The following BCL7B variants were observed in gnomAD, a reference collection of about 807,000 sequenced individuals.
BCL7B encodes the protein BAF chromatin remodeling complex subunit BCL7B, also known as B-cell CLL/lymphoma 7 protein family member B.
A neutral mutation model predicts 26.5 loss-of-function variants in BCL7B; 11 were observed. The ratio of observed to expected loss-of-function variants is 0.42; its 90% CI spans 0.26 to 0.69. The LOEUF (loss-of-function observed/expected upper bound fraction) is 0.69, where lower values mean the gene tolerates loss of function less well. Ranked by LOEUF, BCL7B falls within the 30% of genes least tolerant of loss-of-function variation. The probability of loss-of-function intolerance (pLI) is 0.28; values close to 1 mark genes in which losing one functional copy is unlikely to be tolerated. For synonymous variants in BCL7B, 111 were observed against 107.9 expected, an observed-to-expected ratio of 1.03 and a Z score of -0.18; for missense variants, 215 against 264.4, an observed-to-expected ratio of 0.81 and a Z score of 1.30.
chr7:73,552,839 C>T (rs950370997), intron 1 of BCL7B, among the ~76,000 whole-genome samples: 1 of 152,000 alleles, frequency 6.6e-6, no homozygotes, highest in Non-Finnish European at 1.5e-5. Flanking sequence ...ACACACAGCA[C>T]CATATTCTTT....
At position 73,552,170 on chromosome 7, in the gene BCL7B, C is replaced by T. The variant is rs1563431862; in HGVS notation, c.165G>A (p.Lys55=). 2 of 1,608,746 alleles carry T rather than the reference C, an allele frequency of 1.2e-6. No individual in the cohort carries two copies. Among genetic ancestry groups the T allele is most frequent in the African/African-American group, 1.3e-5 (1 of 74,532 alleles). Residue 55 remains lysine (K), a synonymous_variant, in exon 2 of 6, where the codon AAG becomes AAA. Coordinates refer to ENST00000223368, the MANE Select transcript of BCL7B (RefSeq NM_001707.4). The part of the protein sequence containing the change: ...IFKWVPVTDS[K]EKEKSKSNSS... ...TTTGATTTTCTTCCACACTTACCTC[C>T]TTGCTGTCTGTCACAGGAACCCACT... is the stretch of plus-strand genomic sequence containing the variant.
intron 2 of BCL7B, among the ~76,000 whole-genome samples, chr7:73,545,289 T>G (rs1346430124): frequency 6.6e-6 from 1 of 152,160 alleles, no homozygotes; most frequent in Non-Finnish European, 1.5e-5. Flanking sequence ...CTCGGCTCAC[T>G]GCAAGCTCCA....
In BCL7B at chr7:73,537,146, GC is replaced by G; in HGVS notation, c.*151del. The G allele has an allele frequency of 3.1e-6, 2 of 647,100 alleles. No homozygotes were observed. Among genetic ancestry groups the G allele is most frequent in the Non-Finnish European group, 2.7e-6 (1 of 370,290 alleles). 40.1% of individuals were successfully genotyped at this position (647,100 alleles called of 1,614,324 possible). A position where few individuals can be genotyped will look rare whatever the true frequency, so the allele number is the denominator to read the frequency against. Reference sequence around the variant, plus strand: ...CCAGGGTCAGGAAGATGATGCTACAGCCCCAAGTCCTACGCCAGCCTTCCAG... The same window carrying G: ...CCAGGGTCAGGAAGATGATGCTACAGCCCAAGTCCTACGCCAGCCTTCCAG... On this transcript the variant is annotated 3_prime_UTR_variant, in exon 6 of 6. Transcript: ENST00000223368.
At chr7:73,548,934 AAAACAAAC>A (rs781790517) in intron 2 of BCL7B, among the ~76,000 whole-genome samples, 1 of 151,988 alleles carries the variant, frequency 6.6e-6, no homozygotes, top group Non-Finnish European at 1.5e-5. Flanking sequence ...CCGTCTCAAA[AAAACAAAC>A]AAACAAACAA....
At chr7:73,555,615 T>C (rs186790769) in intron 1 of BCL7B, among the ~76,000 whole-genome samples, 242 of 152,084 alleles carry the variant, frequency 1.6e-3, no homozygotes, top group African/African-American at 5.5e-3. Flanking sequence ...AGTGACTTCA[T>C]TGGTAAGACA....
intron 2 of BCL7B, among the ~76,000 whole-genome samples, chr7:73,544,119 C>T (rs1791871077): frequency 6.6e-6 from 1 of 152,088 alleles, no homozygotes; most frequent in Admixed American, 6.6e-5. Context: ...TCATCCTCAT[C>T]CATTCAAAAC....
intron 2 of BCL7B, among the ~76,000 whole-genome samples, chr7:73,550,382 T>C (rs1390622802): frequency 6.6e-6 from 1 of 151,798 alleles, no homozygotes; most frequent in Non-Finnish European, 1.5e-5. Flanking sequence ...CCGTCTCTAC[T>C]TAAAATAGAA....
rs1554582267 is a variant in BCL7B, at chr7:73,537,408, A to G, written c.517-18T>C. ...TCAACGACCTAGGAGCAGGCAGAGCATGGAATGCCAGGGCCACCCCTCCCA... is the reference window on the plus strand; with the variant it reads ...TCAACGACCTAGGAGCAGGCAGAGCGTGGAATGCCAGGGCCACCCCTCCCA... On this transcript the variant is annotated intron_variant, in intron 5 of 5. Coordinates refer to ENST00000223368, the MANE Select transcript of BCL7B (RefSeq NM_001707.4). 5.0e-6 allele frequency: 8 copies of G among 1,608,304 alleles called. No homozygotes were observed. The highest frequency in any genetic ancestry group is 6.8e-6 in the Non-Finnish European group (8 of 1,175,104).
intron 1 of BCL7B, chr7:73,557,276 G>T (rs1453457489): frequency 7.0e-6 from 8 of 1,135,806 alleles, no homozygotes; most frequent in Non-Finnish European, 1.1e-6. Flanking sequence ...GCAGCAGGTG[G>T]GCGGGCCCGC....
At chr7:73,539,823 A>C in intron 4 of BCL7B, 59 bp downstream of exon 4, 1 of 1,584,780 alleles carries the variant, frequency 6.3e-7, no homozygotes, top group Non-Finnish European at 8.6e-7. Context: ...GACGAGACAC[A>C]ACAAGAGCAG....
In BCL7B at chr7:73,536,853, C is replaced by T. The variant is rs530643475; in HGVS notation, c.*445G>A. On this transcript the variant is annotated 3_prime_UTR_variant, in exon 6 of 6. Coordinates refer to ENST00000223368, the MANE Select transcript of BCL7B (RefSeq NM_001707.4). ...CTCTACCCAGTCCTCCAACAGCAGC[C>T]TACAGGGCCCCCAGTCCTAGGGGAA... 69 of 156,786 alleles carry T rather than the reference C, an allele frequency of 4.4e-4. No homozygotes were observed. Among genetic ancestry groups the T allele is most frequent in the Non-Finnish European group, 8.2e-4 (58 of 70,670 alleles). 9.7% of individuals were successfully genotyped at this position (156,786 alleles called of 1,614,324 possible). A position where few individuals can be genotyped will look rare whatever the true frequency, so the allele number is the denominator to read the frequency against.
Position 73,537,357 on chromosome 7 carries a change from G to C in BCL7B, c.550C>G (p.Pro184Ala). The change falls in exon 6 of 6, where the codon CCC becomes GCC. Residue 184 changes from proline to alanine, a missense_variant. Coordinates refer to ENST00000223368, the MANE Select transcript of BCL7B (RefSeq NM_001707.4). ...TGGTCCACACAGAAGCGCTTCAGGG[G>C]CGGGGCACCTGAGTCTTCCTCTTCC... ...VEEEEDSGAP[P>A]LKRFCVDQPT... 1.2e-6 allele frequency: 2 copies of C among 1,614,124 alleles called. No individual in the cohort carries two copies. The highest frequency in any genetic ancestry group is 1.7e-6 in the Non-Finnish European group (2 of 1,180,014).
intron 1 of BCL7B, among the ~76,000 whole-genome samples, chr7:73,554,520 G>C (rs1310681504): frequency 6.6e-6 from 1 of 151,784 alleles, no homozygotes; most frequent in Non-Finnish European, 1.5e-5. Flanking sequence ...TAATAGGGCC[G>C]GGCACGGTGG....
rs1277966161 is a variant in BCL7B, at chr7:73,543,535, A to G, written c.265+13T>C. The G allele has an allele frequency of 1.9e-6, 3 of 1,607,890 alleles. No homozygotes were observed. Among genetic ancestry groups the G allele is most frequent in the Non-Finnish European group, 2.6e-6 (3 of 1,174,722 alleles). On this transcript the variant is annotated intron_variant, in intron 3 of 5. Coordinates refer to ENST00000223368, the MANE Select transcript of BCL7B (RefSeq NM_001707.4). ...TCATTCTCCTGCAAGGAAGACACAGAGATGCAACTCACCCTGGAATTCAAG... is the reference window on the plus strand; with the variant it reads ...TCATTCTCCTGCAAGGAAGACACAGGGATGCAACTCACCCTGGAATTCAAG...
chr7:73,538,969 G>T (rs542043206), intron 4 of BCL7B, among the ~76,000 whole-genome samples: 3 of 150,990 alleles, frequency 2.0e-5, no homozygotes, highest in African/African-American at 7.3e-5. Context: ...ACCTTTCTCT[G>T]TTTTTTTTTG....
In BCL7B at chr7:73,552,167, C is replaced by G. The variant is rs782453916; in HGVS notation, c.168G>C (p.Glu56Asp). Reference protein sequence around the residue: ...FKWVPVTDSKEKEKSKSNSSA... With the variant: ...FKWVPVTDSKDKEKSKSNSSA... The stretch of plus-strand genomic sequence containing the variant: ...TCTTTTGATTTTCTTCCACACTTAC[C>G]TCCTTGCTGTCTGTCACAGGAACCC... The change falls in exon 2 of 6, where the codon GAG becomes GAC. Residue 56 changes from glutamate (E) to aspartate (D), a missense_variant and splice_region_variant. Physicochemically the swap from Glu to Asp is conservative, Grantham distance 45 (BLOSUM62 2). Coordinates refer to ENST00000223368, the MANE Select transcript of BCL7B (RefSeq NM_001707.4). 3.1e-6 allele frequency: 5 copies of G among 1,607,758 alleles called. No homozygotes were observed. The highest frequency in any genetic ancestry group is 4.2e-6 in the Non-Finnish European group (5 of 1,177,476).
chr7:73,545,852 C>T (rs1791933497), intron 2 of BCL7B, among the ~76,000 whole-genome samples: 1 of 152,086 alleles, frequency 6.6e-6, no homozygotes, highest in Non-Finnish European at 1.5e-5. Context: ...GGAAAACTGG[C>T]CGGGCGCGGT....
intron 2 of BCL7B, among the ~76,000 whole-genome samples, chr7:73,544,400 G>A (rs1791881339): frequency 2.6e-5 from 4 of 151,232 alleles, no homozygotes; most frequent in South Asian, 4.2e-4. Flanking sequence ...GCTACAGTGC[G>A]AGACTCCATC....
chr7:73,539,857 T>G (rs367576118), intron 4 of BCL7B, 25 bp downstream of exon 4: 673 of 1,605,790 alleles, frequency 4.2e-4, no homozygotes, highest in Non-Finnish European at 5.2e-4. Flanking sequence ...TCTAGGAAAC[T>G]CATCCTCGGC....
Sources: gnomAD v4.1 joint callset for allele counts (sites outside exome capture counted in the v4.1 genomes callset) on GRCh38, gnomAD v4.1.1 for gene constraint, MANE v1.5 for transcripts, NCBI Gene and HGNC (gene_info 2026-07-23, HGNC 2026-07-21) for gene names.